The following ATP10B variants were observed in gnomAD, a reference collection of about 807,000 sequenced individuals.
ATP10B encodes the protein phospholipid-transporting ATPase VB.
A neutral mutation model predicts 141.2 loss-of-function variants in ATP10B; 122 were observed. That is an observed-to-expected ratio of 0.86 (90% CI 0.75 to 1.00). The LOEUF (loss-of-function observed/expected upper bound fraction) is 1.00, where lower values mean the gene tolerates loss of function less well. Ranked by LOEUF, ATP10B falls within the 50% of genes least tolerant of loss-of-function variation. The pLI is 0.00. For missense variants in ATP10B, 1,876 were observed against 1,825.3 expected (o/e 1.03, Z -0.51); for synonymous variants, 685 against 692.0 (o/e 0.99, Z 0.16).
At chr5:160,738,335 A>G (rs1046188329) in intron 2 of ATP10B, among the ~76,000 whole-genome samples, 1 of 152,038 alleles carries the variant, frequency 6.6e-6, no homozygotes, top group African/African-American at 2.4e-5. Context: ...AGGTGTGAAA[A>G]CTCAAGGATC....
the ATP10B span, among the ~76,000 whole-genome samples, chr5:160,865,670 T>G: frequency 6.6e-6 from 1 of 152,010 alleles, no homozygotes; most frequent in African/African-American, 2.4e-5. Flanking sequence ...TTCACAACTA[T>G]GCATCTGACA....
intron 1 of ATP10B, among the ~76,000 whole-genome samples, chr5:160,788,602 A>G (rs1252681922): frequency 1.3e-5 from 2 of 152,008 alleles, no homozygotes; most frequent in Non-Finnish European, 2.9e-5. Context: ...GGTGGCTGTC[A>G]ACTCCCTGCC....
chr5:160,871,214 G>A, the ATP10B span, among the ~76,000 whole-genome samples: 1 of 151,930 alleles, frequency 6.6e-6, no homozygotes, highest in African/African-American at 2.4e-5. Flanking sequence ...AATGCAATAT[G>A]CTTTATTCCA....
At chr5:160,660,152 G>T (rs1212247810) in intron 7 of ATP10B, among the ~76,000 whole-genome samples, 1 of 152,144 alleles carries the variant, frequency 6.6e-6, no homozygotes, top group Non-Finnish European at 1.5e-5. Flanking sequence ...GAATTTGAAG[G>T]GTCAGCATGA....
intron 3 of ATP10B, among the ~76,000 whole-genome samples, chr5:160,690,009 A>T (rs545548834): frequency 6.6e-6 from 1 of 151,874 alleles, no homozygotes; most frequent in Non-Finnish European, 1.5e-5. Flanking sequence ...CAAAACAGAG[A>T]TATAGACCAA....
At chr5:160,627,888 C>T (rs1758691594) in intron 13 of ATP10B, among the ~76,000 whole-genome samples, 1 of 152,232 alleles carries the variant, frequency 6.6e-6, no homozygotes, top group Non-Finnish European at 1.5e-5. Flanking sequence ...ACAGAAGCTG[C>T]TAATCGTTGT....
At chr5:160,855,652 C>A (rs1753975959), upstream of ATP10B, among the ~76,000 whole-genome samples, 1 of 151,690 alleles carries the variant, frequency 6.6e-6, no homozygotes, top group African/African-American at 2.4e-5. Context: ...ATCAATTTTC[C>A]TTTTCACTCT....
chr5:160,839,364 CA>C (rs1775680855), intron 1 of ATP10B, among the ~76,000 whole-genome samples: 1 of 151,892 alleles, frequency 6.6e-6, no homozygotes, highest in African/African-American at 2.4e-5. Flanking sequence ...GATATGTAGT[CA>C]AAAACTATGT....
intron 2 of ATP10B, among the ~76,000 whole-genome samples, chr5:160,761,635 G>T (rs1216191632): frequency 6.6e-6 from 1 of 152,126 alleles, no homozygotes; most frequent in Non-Finnish European, 1.5e-5. Context: ...CAAATGAGAA[G>T]GGACCAGAAA....
chr5:160,833,262 T>C lies in ATP10B; in HGVS notation c.-576+18679A>G, dbSNP rs1421075248. Among the ~76,000 whole-genome samples the C allele has an allele frequency of 2.6e-5, 4 of 152,222 alleles. No individual in the cohort carries two copies. In the East Asian group the frequency reaches 7.7e-4, roughly 29 times the overall value. Reference sequence around the variant, plus strand: ...ACTTGGACAGCTGAAAGCTGGGTTGTAGAATACAGGGGAATCTTGAAACTA... The same window carrying C: ...ACTTGGACAGCTGAAAGCTGGGTTGCAGAATACAGGGGAATCTTGAAACTA... On this transcript the variant is annotated intron_variant, in intron 1 of 25. Transcript: ENST00000327245.
intron 24 of ATP10B, among the ~76,000 whole-genome samples, chr5:160,571,308 T>C (rs1754860205): frequency 6.6e-6 from 1 of 152,182 alleles, no homozygotes; most frequent in South Asian, 2.1e-4. Flanking sequence ...CAATAATTCT[T>C]CCCTTAGCTA....
chr5:160,878,540 C>A, the ATP10B span, among the ~76,000 whole-genome samples: 1 of 151,992 alleles, frequency 6.6e-6, no homozygotes, highest in Non-Finnish European at 1.5e-5. Context: ...CAAATGGGAT[C>A]TAATTAAACT....
chr5:160,731,221 T>C (rs1766719306), intron 2 of ATP10B, among the ~76,000 whole-genome samples: 1 of 152,178 alleles, frequency 6.6e-6, no homozygotes, highest in African/African-American at 2.4e-5. Flanking sequence ...TGTTTGCCGT[T>C]TGTGAGTAAA....
At chr5:160,845,365 C>T (rs1189901337) in intron 1 of ATP10B, among the ~76,000 whole-genome samples, 1 of 152,058 alleles carries the variant, frequency 6.6e-6, no homozygotes, top group Admixed American at 6.6e-5. Flanking sequence ...TAAGAACAGG[C>T]AAACTTAGTT....
the ATP10B span, among the ~76,000 whole-genome samples, chr5:160,911,811 C>CA: frequency 1.1e-4 from 16 of 152,182 alleles, no homozygotes; most frequent in African/African-American, 3.4e-4. Context: ...ATTTTAGATA[C>CA]AAAAAATACA....
chr5:160,777,013 C>T (rs1052153842), intron 2 of ATP10B, among the ~76,000 whole-genome samples: 3 of 152,170 alleles, frequency 2.0e-5, no homozygotes, highest in East Asian at 1.9e-4. Context: ...AACGTAAAGG[C>T]AGGTGCCTGA....
At chr5:160,764,957 T>C (rs1286115482) in intron 2 of ATP10B, among the ~76,000 whole-genome samples, 2 of 152,028 alleles carry the variant, frequency 1.3e-5, no homozygotes, top group East Asian at 3.8e-4. Flanking sequence ...CAACCCCTTT[T>C]ATGATAGCTG....
At chr5:160,835,425 T>C (rs1398916549) in intron 1 of ATP10B, among the ~76,000 whole-genome samples, 1 of 152,106 alleles carries the variant, frequency 6.6e-6, no homozygotes, top group Non-Finnish European at 1.5e-5. Context: ...AAGAGGAGCA[T>C]ATGGTCATCT....
At chr5:160,677,869 C>T (rs1427589757) in intron 6 of ATP10B, among the ~76,000 whole-genome samples, 1 of 152,156 alleles carries the variant, frequency 6.6e-6, no homozygotes, top group Non-Finnish European at 1.5e-5. Flanking sequence ...TTGGGGGTTT[C>T]CTTGAGGGCT....
Sources: gnomAD v4.1 joint callset for allele counts (sites outside exome capture counted in the v4.1 genomes callset) on GRCh38, gnomAD v4.1.1 for gene constraint, MANE v1.5 for transcripts, NCBI Gene and HGNC (gene_info 2026-07-23, HGNC 2026-07-21) for gene names.